PCYT1A: variants seen among roughly 807,000 people sequenced by gnomAD.
PCYT1A encodes the protein choline-phosphate cytidylyltransferase A.
Under a neutral mutation model 43.7 loss-of-function variants are expected in PCYT1A, and 25 were observed. The observed-to-expected ratio is 0.57, with a 90% confidence interval of 0.42 to 0.80. PCYT1A has a LOEUF of 0.80. PCYT1A is among the 30% of genes least tolerant of loss of function. PCYT1A has a pLI of 0.00. For synonymous variants in PCYT1A, 172 were observed against 170.7 expected (o/e 1.01, Z -0.06); for missense variants, 421 against 474.2 (o/e 0.89, Z 1.04).
In PCYT1A at chr3:196,236,347, A is replaced by T. The variant is rs372117049; in HGVS notation, c.*2341T>A. On this transcript the variant is annotated 3_prime_UTR_variant, in exon 9 of 9. Transcript: ENST00000431016. The stretch of plus-strand genomic sequence containing the variant: ...CACACCACACCAGGGAGAATAAGTT[A>T]GACAGAAACAGGCAGCATTCCCAAA... The T allele has an allele frequency of 6.6e-6, 1 of 152,334 alleles. No homozygotes were observed. Among genetic ancestry groups the T allele is most frequent in the Non-Finnish European group, 1.5e-5 (1 of 68,108 alleles). The allele number at this position is 152,334 out of a possible 1,614,324, so 9.4% of individuals were successfully genotyped here.
chr3:196,262,411 C>T (rs1231370952), intron 2 of PCYT1A, among the ~76,000 whole-genome samples: 3 of 152,222 alleles, frequency 2.0e-5, no homozygotes, highest in Admixed American at 6.5e-5. Context: ...AAAGTAGGCA[C>T]TCGACGAATT....
intron 7 of PCYT1A, chr3:196,241,542 AT>A: frequency 7.7e-7 from 1 of 1,293,266 alleles, no homozygotes; most frequent in Admixed American, 2.3e-5. Flanking sequence ...GTCAATCCAA[AT>A]TTAAAACTCA....
intron 2 of PCYT1A, among the ~76,000 whole-genome samples, chr3:196,263,721 C>T (rs1217958141): frequency 2.6e-5 from 4 of 152,138 alleles, no homozygotes; most frequent in African/African-American, 9.7e-5. Context: ...CAAGCTCCAC[C>T]TCCAGGGTTC....
chr3:196,249,982 CTA>C lies in PCYT1A; in HGVS notation c.218-1661_218-1660del, dbSNP rs762500862. On this transcript the variant is annotated intron_variant, in intron 3 of 8. Transcript: ENST00000431016. ...ATGCTGAGGTTGAGTACCACATACA[CTA>C]TGCTGAGGATCAGGTACACCATGCC... 8.0e-4 allele frequency among the ~76,000 whole-genome samples: 120 copies of C among 149,412 alleles called. 1 individual carries two copies. The highest frequency in any genetic ancestry group is 1.4e-3 in the Non-Finnish European group (94 of 67,520).
rs1010717673 is a variant in PCYT1A at position 196,236,149 on chromosome 3, G to C, written c.*2539C>G. 6.6e-5 allele frequency: 10 copies of C among 152,244 alleles called. No individual in the cohort carries two copies. Among genetic ancestry groups the C allele is most frequent in the African/African-American group, 1.7e-4 (7 of 41,448 alleles). 9.4% of individuals were successfully genotyped at this position (152,244 alleles called of 1,614,324 possible). On this transcript the variant is annotated 3_prime_UTR_variant, in exon 9 of 9. Transcript: ENST00000431016. ...TGCCAAGAGCAGCCCACTGAGAGCA[G>C]AGGAAGAGGGCTCAAACATTTGGGA...
In PCYT1A at chr3:196,277,082, T is replaced by C. The variant is rs146165980; in HGVS notation, c.-10-6541A>G. ...CCGTTTCTACTAAAAATATAAAAATTAGCCAGGTGTGGTGGCGGGCACCTG... is the reference window on the plus strand; with the variant it reads ...CCGTTTCTACTAAAAATATAAAAATCAGCCAGGTGTGGTGGCGGGCACCTG... On this transcript the variant is annotated intron_variant, in intron 1 of 8. Transcript: ENST00000431016. This position sits in a 1 kb window ranked among gnomAD's most constrained non-coding sequence, Gnocchi z 4.1. Among the ~76,000 whole-genome samples the C allele has an allele frequency of 4.3e-4, 65 of 151,976 alleles. No homozygotes were observed. The highest frequency in any genetic ancestry group is 2.0e-3 in the Admixed American group (30 of 15,258).
intron 3 of PCYT1A, 38 bp from the exon 4 acceptor site, chr3:196,248,361 T>G: frequency 8.2e-7 from 1 of 1,216,450 alleles, no homozygotes; most frequent in Non-Finnish European, 1.2e-6. Flanking sequence ...AAAAATACCT[T>G]TTTTTTTGTC....
chr3:196,265,369 A>T (rs1725236758), intron 2 of PCYT1A, among the ~76,000 whole-genome samples: 1 of 152,000 alleles, frequency 6.6e-6, no homozygotes, highest in Non-Finnish European at 1.5e-5. Flanking sequence ...GCCCAGCCTG[A>T]TATATATTAA....
In PCYT1A at chr3:196,237,889, G is replaced by A. The variant is rs1269919376; in HGVS notation, c.*799C>T. The A allele has an allele frequency of 6.6e-6, 1 of 152,120 alleles. No homozygotes were observed. Among genetic ancestry groups the A allele is most frequent in the African/African-American group, 2.4e-5 (1 of 41,398 alleles). The allele number at this position is 152,120 out of a possible 1,614,324, so 9.4% of individuals were successfully genotyped here. A position where few individuals can be genotyped will look rare whatever the true frequency, so the allele number is the denominator to read the frequency against. On this transcript the variant is annotated 3_prime_UTR_variant, in exon 9 of 9. Transcript: ENST00000431016. Reference sequence around the variant, plus strand: ...TAACTCTAAAAGTGTTCCTTCCTTCGAAGGTAGATGGCACGAAAGAGACTG... The same window carrying A: ...TAACTCTAAAAGTGTTCCTTCCTTCAAAGGTAGATGGCACGAAAGAGACTG...
At chr3:196,266,816 C>T (rs981052263) in intron 2 of PCYT1A, among the ~76,000 whole-genome samples, 12 of 151,644 alleles carry the variant, frequency 7.9e-5, no homozygotes, top group African/African-American at 2.9e-4. Flanking sequence ...TCACTTGAAC[C>T]TGGGAGGCCG....
intron 3 of PCYT1A, among the ~76,000 whole-genome samples, chr3:196,254,676 C>T (rs1274594698): frequency 6.6e-6 from 1 of 152,158 alleles, no homozygotes; most frequent in Non-Finnish European, 1.5e-5. Context: ...CAGCAACTCC[C>T]TTTCATGCTC....
Position 196,270,518 on chromosome 3 carries a change from C to T in PCYT1A, c.14G>A (p.Cys5Tyr), listed in dbSNP as rs374200334. MDAQ[C>Y]SAKVNARKRR... ...CTTCCTTGCATTGACCTTGGCTGAA[C>T]ACTGTGCATCCATCTTCTTTTAACT... Residue 5 changes from cysteine (C) to tyrosine (Y), a missense_variant, in exon 2 of 9, where the codon TGT becomes TAT. Physicochemically the swap from Cys to Tyr is radical, Grantham distance 194. This residue lies in a region of PCYT1A where 139 missense variants were observed against 117.7 expected (regional missense o/e 1.18). Coordinates refer to ENST00000431016, the MANE Select transcript of PCYT1A (RefSeq NM_001312673.2). 7.4e-6 allele frequency: 12 copies of T among 1,613,124 alleles called. No homozygotes were observed. The highest frequency in any genetic ancestry group is 1.0e-5 in the Non-Finnish European group (12 of 1,179,170).
intron 2 of PCYT1A, among the ~76,000 whole-genome samples, chr3:196,267,051 C>T (rs764693080): frequency 5.9e-5 from 9 of 151,838 alleles, no homozygotes; most frequent in Non-Finnish European, 1.3e-4. Context: ...TGGTGGCTGG[C>T]GCCTGTAATC....
chr3:196,239,398 C>T, intron 8 of PCYT1A, 149 bp downstream of exon 8: 1 of 523,676 alleles, frequency 1.9e-6, no homozygotes, highest in South Asian at 3.8e-5. Context: ...TTTCAAAAAC[C>T]TTGCTGGGGA....
rs567208415 is a variant in PCYT1A, at chr3:196,283,530, C to T, written c.-11+4085G>A. The stretch of plus-strand genomic sequence containing the variant: ...CTTTTTATCTTCTGAGGTGGCGCTT[C>T]GGCACATGCTGCAAACGTAAAAAGG... On this transcript the variant is annotated intron_variant, in intron 1 of 8. Coordinates refer to ENST00000431016, the MANE Select transcript of PCYT1A (RefSeq NM_001312673.2). 7 of 152,128 alleles carry T rather than the reference C, an allele frequency of 4.6e-5. No individual in the cohort carries two copies. The South Asian group carries it at 1.2e-3, about 27-fold the overall frequency. The allele number at this position is 152,128 out of a possible 1,614,324, so 9.4% of individuals were successfully genotyped here.
At chr3:196,257,604 G>T (rs2108771657) in intron 3 of PCYT1A, among the ~76,000 whole-genome samples, 184 bp downstream of exon 3, 1 of 152,286 alleles carries the variant, frequency 6.6e-6, no homozygotes, top group South Asian at 2.1e-4. Flanking sequence ...GAAAAAAAAT[G>T]AAAGTTTATG....
At chr3:196,244,721 G>A (rs1342069144) in intron 5 of PCYT1A, among the ~76,000 whole-genome samples, 1 of 152,204 alleles carries the variant, frequency 6.6e-6, no homozygotes, top group Non-Finnish European at 1.5e-5. Context: ...AGTAGACATG[G>A]GAGACTCAAT....
At chr3:196,283,205 C>T (rs1725816987) in intron 1 of PCYT1A, among the ~76,000 whole-genome samples, 1 of 152,054 alleles carries the variant, frequency 6.6e-6, no homozygotes, top group Admixed American at 6.6e-5. Flanking sequence ...GGCGTGGTGG[C>T]GGGCACCTGT....
intron 1 of PCYT1A, among the ~76,000 whole-genome samples, chr3:196,271,116 G>A (rs116531989): frequency 2.8e-4 from 42 of 152,084 alleles, no homozygotes; most frequent in African/African-American, 9.4e-4. Flanking sequence ...CTTCAACCTC[G>A]TTAGCTCAAG....
Sources: allele counts gnomAD v4.1 joint callset (sites outside exome capture counted in the v4.1 genomes callset), GRCh38; gene constraint gnomAD v4.1.1; regional missense constraint gnomAD v4.1.1; non-coding constraint Gnocchi (gnomAD v3.1); transcripts MANE v1.5; gene names NCBI Gene and HGNC (gene_info 2026-07-23, HGNC 2026-07-21).